The following MTUS2 variants were observed in gnomAD, a reference collection of about 807,000 sequenced individuals.
The protein encoded by MTUS2 is microtubule-associated tumor suppressor candidate 2.
Under a neutral mutation model 114.1 loss-of-function variants are expected in MTUS2, and 40 were observed. The observed-to-expected ratio is 0.35, with a 90% CI of 0.27 to 0.46. MTUS2 has a LOEUF of 0.46. Ranked by LOEUF, MTUS2 falls within the 20% of genes least tolerant of loss-of-function variation. MTUS2 has a pLI of 1.00. For synonymous variants in MTUS2, 688 were observed against 672.0 expected (o/e 1.02, Z -0.37); for missense variants, 1,679 against 1,705.4 (o/e 0.98, Z 0.27).
chr13:28,890,959 C>G (rs1878885028), intron 2 of MTUS2, among the ~76,000 whole-genome samples: 1 of 152,192 alleles, frequency 6.6e-6, no homozygotes, highest in African/African-American at 2.4e-5. Context: ...ACTCTAATCT[C>G]TCTTCTCCAT....
chr13:29,376,902 T>A (rs1871796416), intron 8 of MTUS2, among the ~76,000 whole-genome samples: 1 of 152,168 alleles, frequency 6.6e-6, no homozygotes, highest in Admixed American at 6.6e-5. Context: ...AATATAATGA[T>A]ATACGTAAGT....
chr13:28,991,025 C>T (rs761142036), intron 2 of MTUS2, among the ~76,000 whole-genome samples: 4 of 152,136 alleles, frequency 2.6e-5, no homozygotes, highest in African/African-American at 7.2e-5. Context: ...GAATAAATTC[C>T]GGACACAAGA....
chr13:28,893,982 C>G (rs1879080225), intron 2 of MTUS2, among the ~76,000 whole-genome samples: 1 of 151,938 alleles, frequency 6.6e-6, no homozygotes, highest in Non-Finnish European at 1.5e-5. Flanking sequence ...TAGTGATGGG[C>G]AAAAGGCACA....
intron 6 of MTUS2, among the ~76,000 whole-genome samples, chr13:29,312,507 C>T (rs7330122): frequency 0.18 from 26,790 of 151,992 alleles, 2,717 homozygotes; most frequent in East Asian, 0.39. Flanking sequence ...TAAATTTATA[C>T]GGGGAGAATG....
intron 2 of MTUS2, among the ~76,000 whole-genome samples, chr13:28,939,529 A>G (rs891744554): frequency 2.0e-5 from 3 of 148,764 alleles, no homozygotes; most frequent in Non-Finnish European, 4.4e-5. Flanking sequence ...TCAACAAAAC[A>G]GTTTCCAAAT....
intron 4 of MTUS2, among the ~76,000 whole-genome samples, chr13:29,062,385 C>T (rs1039181724): frequency 8.6e-5 from 13 of 151,098 alleles, no homozygotes; most frequent in South Asian, 2.1e-4. Context: ...GTCTTTGGTG[C>T]GAATAACTTC....
chr13:28,870,267 T>C (rs1593259244), intron 2 of MTUS2, among the ~76,000 whole-genome samples: 1 of 152,320 alleles, frequency 6.6e-6, no homozygotes. Context: ...TACTTTAAAA[T>C]ACCTTAGATC....
intron 2 of MTUS2, among the ~76,000 whole-genome samples, chr13:28,929,138 AT>A (rs1210633004): frequency 7.0e-6 from 1 of 141,992 alleles, no homozygotes; most frequent in Non-Finnish European, 1.5e-5. Flanking sequence ...TAAATAGTAG[AT>A]TGGTGGTTAA....
At chr13:28,837,645 G>A (rs192162724) in intron 1 of MTUS2, among the ~76,000 whole-genome samples, 7 of 152,286 alleles carry the variant, frequency 4.6e-5, no homozygotes, top group Admixed American at 3.3e-4. Flanking sequence ...ATAAAGTCAC[G>A]TTCTAACTCC....
rs1366381558 is a variant in MTUS2, at chr13:29,480,651, T to G, written c.3399+287T>G. 6.6e-6 allele frequency among the ~76,000 whole-genome samples: 1 copy of G among 152,190 alleles called. No homozygotes were observed. Among genetic ancestry groups the G allele is most frequent in the African/African-American group, 2.4e-5 (1 of 41,438 alleles). ...TTGCCCTCCCTTCCAGACTTTTCTC[T>G]GTCACCTTGCTCAGTGAGACCTTTA... On this transcript the variant is annotated intron_variant, in intron 10 of 15. Transcript: ENST00000612955. The surrounding 1 kb of genome is among the most constrained non-coding windows in gnomAD (Gnocchi z 4.4).
intron 2 of MTUS2, among the ~76,000 whole-genome samples, chr13:29,002,387 A>G (rs1885423033): frequency 6.6e-6 from 1 of 152,232 alleles, no homozygotes; most frequent in South Asian, 2.1e-4. Flanking sequence ...TTTCCTGCTT[A>G]TACCACAATT....
At chr13:29,128,781 A>G (rs1891628483) in intron 5 of MTUS2, among the ~76,000 whole-genome samples, 1 of 152,178 alleles carries the variant, frequency 6.6e-6, no homozygotes, top group African/African-American at 2.4e-5. Flanking sequence ...CTTCAACTGT[A>G]TTCCTCACTC....
chr13:29,428,598 T>TACC, intron 8 of MTUS2: 1 of 155,460 alleles, frequency 6.4e-6, no homozygotes, highest in Non-Finnish European at 1.4e-5. Flanking sequence ...CCTTCCTGGC[T>TACC]CCCGCCCGCC....
intron 12 of MTUS2, among the ~76,000 whole-genome samples, chr13:29,495,196 A>C (rs1334196507): frequency 3.3e-4 from 49 of 148,334 alleles, no homozygotes; most frequent in African/African-American, 1.1e-3. Context: ...AAAAAAAAAA[A>C]AAAAAAAAAA....
rs1369895063 is a variant in MTUS2, at chr13:29,002,723, T to TA, written c.-242-21732dup. ...TGACCAATGTTCAAAATGATCACCT[T>TA]AAGTCACTGTGAAAATATTAGATTA... On this transcript the variant is annotated intron_variant, in intron 2 of 15. Coordinates refer to ENST00000612955, the MANE Select transcript of MTUS2 (RefSeq NM_001033602.4). Among the ~76,000 whole-genome samples the TA allele has an allele frequency of 2.0e-5, 3 of 152,330 alleles. No individual in the cohort carries two copies. The East Asian group carries it at 5.8e-4, about 29-fold the overall frequency.
chr13:29,000,597 C>T (rs1253800533), intron 2 of MTUS2, among the ~76,000 whole-genome samples: 1 of 152,132 alleles, frequency 6.6e-6, no homozygotes, highest in African/African-American at 2.4e-5. Flanking sequence ...AACTCCTGAC[C>T]TCAGGTGATC....
At chr13:29,130,604 A>T (rs1330463096) in intron 5 of MTUS2, among the ~76,000 whole-genome samples, 1 of 151,928 alleles carries the variant, frequency 6.6e-6, no homozygotes, top group Non-Finnish European at 1.5e-5. Flanking sequence ...TGTGTATTCA[A>T]TTTCTACACA....
chr13:28,840,336 C>A (rs1875388130), intron 2 of MTUS2, among the ~76,000 whole-genome samples: 1 of 152,114 alleles, frequency 6.6e-6, no homozygotes, highest in African/African-American at 2.4e-5. Context: ...AGAGCAGAAG[C>A]TTTAGTAAAC....
intron 7 of MTUS2, among the ~76,000 whole-genome samples, chr13:29,339,122 G>A (rs1174764353): frequency 3.3e-5 from 5 of 152,130 alleles, no homozygotes; most frequent in Non-Finnish European, 5.9e-5. Flanking sequence ...CTCCCGGGGC[G>A]GCTCCTTGGG....
Sources: allele counts gnomAD v4.1 joint callset (sites outside exome capture counted in the v4.1 genomes callset), GRCh38; gene constraint gnomAD v4.1.1; non-coding constraint Gnocchi (gnomAD v3.1); transcripts MANE v1.5; gene names NCBI Gene and HGNC (gene_info 2026-07-23, HGNC 2026-07-21).